Variants in TRPM3 observed in about 807,000 individuals in gnomAD.
TRPM3 encodes long transient receptor potential channel 3.
Under a neutral mutation model 181.2 loss-of-function variants are expected in TRPM3, and 77 were observed. The observed-to-expected ratio is 0.42, with a 90% CI of 0.35 to 0.51. TRPM3 has a LOEUF of 0.51. Among genes scored for constraint, TRPM3 ranks in the 20% least tolerant of loss-of-function variants. The pLI is 0.01. For missense variants in TRPM3, 1,759 were observed against 2,196.7 expected, an observed-to-expected ratio of 0.80 and a Z score of 3.98; for synonymous variants, 745 against 796.4, an observed-to-expected ratio of 0.94 and a Z score of 1.09.
At chr9:71,350,897 C>T (rs563024491) in intron 1 of TRPM3, among the ~76,000 whole-genome samples, 12 of 152,152 alleles carry the variant, frequency 7.9e-5, no homozygotes, top group African/African-American at 1.9e-4. Flanking sequence ...GGGGAGGGGG[C>T]GATAGTTCTA....
At chr9:71,432,672 T>G (rs574714954) in intron 1 of TRPM3, among the ~76,000 whole-genome samples, 40 of 152,298 alleles carry the variant, frequency 2.6e-4, no homozygotes, top group Non-Finnish European at 4.7e-4. Context: ...CTGTCGATAA[T>G]TTAGAACATG....
intron 1 of TRPM3, among the ~76,000 whole-genome samples, chr9:71,081,001 G>C (rs1487942994): frequency 6.6e-6 from 1 of 152,140 alleles, no homozygotes; most frequent in Non-Finnish European, 1.5e-5. Context: ...CAAAAAGCAG[G>C]AGAAGGTGAG....
chr9:70,582,293 G>C (rs946727), intron 22 of TRPM3, among the ~76,000 whole-genome samples: 151,749 of 152,308 alleles, frequency 1, 75,599 homozygotes, highest in Middle Eastern at 1. Flanking sequence ...TCATCATCTT[G>C]ACTGACATTT....
intron 1 of TRPM3, among the ~76,000 whole-genome samples, chr9:70,998,182 TACATATATAC>T (rs1288475579): frequency 2.8e-5 from 4 of 145,094 alleles, no homozygotes; most frequent in East Asian, 4.0e-4. Context: ...CACATATATA[TACATATATAC>T]ACATATATAC....
chr9:71,053,987 G>A (rs1278904672), intron 1 of TRPM3, among the ~76,000 whole-genome samples: 1 of 152,098 alleles, frequency 6.6e-6, no homozygotes, highest in African/African-American at 2.4e-5. Context: ...GGCCTTACAT[G>A]GTATGGTGAA....
intron 1 of TRPM3, among the ~76,000 whole-genome samples, chr9:71,241,150 C>T (rs2081643930): frequency 6.6e-6 from 1 of 152,030 alleles, no homozygotes; most frequent in Non-Finnish European, 1.5e-5. Context: ...TCTAATAGTT[C>T]GTCTAAGTGC....
At chr9:71,315,451 T>A (rs562619949) in intron 1 of TRPM3, among the ~76,000 whole-genome samples, 1 of 152,158 alleles carries the variant, frequency 6.6e-6, no homozygotes, top group African/African-American at 2.4e-5. Context: ...AAATTTCCCA[T>A]GACACGAACT....
intron 1 of TRPM3, among the ~76,000 whole-genome samples, chr9:71,095,426 A>T (rs1379375119): frequency 6.6e-6 from 1 of 152,100 alleles, no homozygotes; most frequent in African/African-American, 2.4e-5. Context: ...ATGAGCTCTT[A>T]CCACAAATCT....
intron 1 of TRPM3, among the ~76,000 whole-genome samples, chr9:70,949,505 C>G (rs1201923455): frequency 6.6e-6 from 1 of 152,010 alleles, no homozygotes; most frequent in Non-Finnish European, 1.5e-5. Context: ...GGCAAGATCC[C>G]AGAAGGACTT....
chr9:70,817,197 A>G (rs2131523084), intron 6 of TRPM3, among the ~76,000 whole-genome samples: 1 of 152,322 alleles, frequency 6.6e-6, no homozygotes, highest in East Asian at 1.9e-4. Flanking sequence ...ACCTTTTAGT[A>G]AGGTGTTAGC....
At chr9:70,591,756 C>T (rs534683350) in intron 21 of TRPM3, among the ~76,000 whole-genome samples, 1 of 152,320 alleles carries the variant, frequency 6.6e-6, no homozygotes, top group African/African-American at 2.4e-5. Context: ...ATAAACGAAG[C>T]TAGGATAAAC....
intron 1 of TRPM3, among the ~76,000 whole-genome samples, chr9:71,446,066 C>T (rs2094199535): frequency 6.6e-6 from 1 of 152,214 alleles, no homozygotes; most frequent in South Asian, 2.1e-4. Context: ...GGAGCTGACA[C>T]ATGGGAAAAC....
chr9:71,162,199 CAAAA>C (rs35947110), intron 1 of TRPM3, among the ~76,000 whole-genome samples: 114 of 74,426 alleles, frequency 1.5e-3, no homozygotes, highest in African/African-American at 6.1e-3. Flanking sequence ...GACTCTGTCT[CAAAA>C]AAAAAAAAAA....
Position 70,536,338 on chromosome 9 carries a change from G to A in TRPM3, c.4775C>T (p.Thr1592Ile). ...GGLGDKVEDL[T>I]CCHPEREAEL... ...TGCTTCTCGCTCTGGATGGCAGCAA[G>A]TTAAGTCCTCCACTTTGTCTCCAAG... The change falls in exon 26 of 26, where the codon ACT becomes ATT. Residue 1592 changes from threonine to isoleucine, a missense_variant. Coordinates refer to ENST00000677713, the MANE Select transcript of TRPM3 (RefSeq NM_001366145.2). 3 of 1,614,148 alleles carry A rather than the reference G, an allele frequency of 1.9e-6. No homozygotes were observed. The highest frequency in any genetic ancestry group is 2.5e-6 in the Non-Finnish European group (3 of 1,180,020).
intron 25 of TRPM3, among the ~76,000 whole-genome samples, chr9:70,547,392 G>A (rs1375264654): frequency 6.6e-6 from 1 of 152,026 alleles, no homozygotes; most frequent in African/African-American, 2.4e-5. Flanking sequence ...GAAAGGACAT[G>A]TTCTAGAAGA....
chr9:70,615,876 C>T (rs2062707957), intron 18 of TRPM3, 32 bp downstream of exon 18: 1 of 1,573,632 alleles, frequency 6.4e-7, no homozygotes, highest in Non-Finnish European at 8.6e-7. Flanking sequence ...GGAATTCTGC[C>T]CATAGAGAAT....
intron 1 of TRPM3, among the ~76,000 whole-genome samples, chr9:71,070,609 C>T (rs2062629433): frequency 6.6e-6 from 1 of 152,108 alleles, no homozygotes; most frequent in African/African-American, 2.4e-5. Flanking sequence ...TATTCACTGT[C>T]AACTGATACC....
intron 1 of TRPM3, among the ~76,000 whole-genome samples, chr9:70,957,424 T>G (rs1360709089): frequency 3.3e-5 from 5 of 152,162 alleles, no homozygotes; most frequent in African/African-American, 1.2e-4. Flanking sequence ...GTACTATCAC[T>G]GCTGAGAGGG....
chr9:71,172,374 T>C (rs923367572), intron 1 of TRPM3, among the ~76,000 whole-genome samples: 1 of 152,170 alleles, frequency 6.6e-6, no homozygotes, highest in South Asian at 2.1e-4. Context: ...ATCATTGTCA[T>C]GTTCAAGGAC....
Sources: allele counts gnomAD v4.1 joint callset (sites outside exome capture counted in the v4.1 genomes callset), GRCh38; gene constraint gnomAD v4.1.1; transcripts MANE v1.5; gene names NCBI Gene and HGNC (gene_info 2026-07-23, HGNC 2026-07-21).